The following IL3RA variants were observed in gnomAD, a reference collection of about 807,000 sequenced individuals.
IL3RA encodes the protein interleukin-3 receptor subunit alpha.
Under a neutral mutation model 52.3 loss-of-function variants are expected in IL3RA, and 73 were observed. The ratio of observed to expected loss-of-function variants is 1.40; its 90% CI spans 1.16 to 1.70. The LOEUF is 1.70. Among genes scored for constraint, IL3RA ranks in the 40% most tolerant of loss-of-function variants. The pLI is 0.00. For missense variants in IL3RA, 664 were observed against 504.4 expected, an observed-to-expected ratio of 1.32 and a Z score of -3.03; for synonymous variants, 260 against 194.0, an observed-to-expected ratio of 1.34 and a Z score of -2.83.
At chrX:1,348,300 C>T (rs185172663) in intron 3 of IL3RA, 131 bp from the exon 4 acceptor site, 7 of 727,352 alleles carry the variant, frequency 9.6e-6, no homozygotes, top group African/African-American at 5.2e-5. Context: ...CTGCAGTGAG[C>T]CGAGATCACG....
At chrX:1,351,831 T>G (rs1378216766) in intron 4 of IL3RA, among the ~76,000 whole-genome samples, 2 of 151,436 alleles carry the variant, frequency 1.3e-5, no homozygotes, top group Non-Finnish European at 2.9e-5. Context: ...GGTTTCACCA[T>G]GTTAGCCAGG....
At chrX:1,348,343 A>C in intron 3 of IL3RA, 88 bp from the exon 4 acceptor site, 3 of 1,052,904 alleles carry the variant, frequency 2.8e-6, no homozygotes, top group Non-Finnish European at 4.5e-6. Flanking sequence ...ACGAGAGCGA[A>C]ACTCTGCCTC....
At chrX:1,367,949 TACTC>T (rs1242278475) in intron 9 of IL3RA, among the ~76,000 whole-genome samples, 14 of 151,992 alleles carry the variant, frequency 9.2e-5, no homozygotes, top group South Asian at 2.1e-4. Flanking sequence ...AGCTTGCTCT[TACTC>T]ACGAGAGGAG....
chrX:1,341,309 AAAAAAG>A (rs1569518981), intron 1 of IL3RA, among the ~76,000 whole-genome samples: 3 of 152,068 alleles, frequency 2.0e-5, no homozygotes, highest in African/African-American at 7.2e-5. Flanking sequence ...AGGAAAAAAA[AAAAAAG>A]AAAACACACA....
At chrX:1,343,932 A>G (rs1399077505) in intron 2 of IL3RA, among the ~76,000 whole-genome samples, 1 of 151,262 alleles carries the variant, frequency 6.6e-6, no homozygotes, top group Non-Finnish European at 1.5e-5. Flanking sequence ...ATTAGCTGGG[A>G]TTACAGGCGC....
chrX:1,348,517 C>G lies in IL3RA; in HGVS notation c.270C>G (p.Phe90Leu), dbSNP rs772158067. The change falls in exon 4 of 12, where the codon TTC (phenylalanine) becomes TTG (leucine). Residue 90 changes from phenylalanine to leucine, a missense_variant. Physicochemically the swap from Phe to Leu is conservative, Grantham distance 22 (BLOSUM62 0). Transcript: ENST00000331035. ...CCGTCCGAGTGGCCAACCCACCATT[C>G]TCCACGTGGATCCTCTTCCCTGAGA... is the stretch of plus-strand genomic sequence containing the variant. Reference protein sequence around the residue: ...NYTVRVANPPFSTWILFPENS... With the variant: ...NYTVRVANPPLSTWILFPENS... 1.9e-6 allele frequency: 3 copies of G among 1,613,624 alleles called. No homozygotes were observed. The highest frequency in any genetic ancestry group is 2.2e-5 in the South Asian group (2 of 91,080).
rs1223825312 is a variant in IL3RA at position 1,348,674 on chromosome X, CTTTCTTTCTTTCTTTCTT to C, written c.298+143_298+160del. ...TCTTTCTTTCTTTCTTTCTTTCTTT[CTTTCTTTCTTTCTTTCTT>C]TTTCTTTCTTTCTGTTTCTGTTTCT... On this transcript the variant is annotated intron_variant, in intron 4 of 11. Coordinates refer to ENST00000331035, the MANE Select transcript of IL3RA (RefSeq NM_002183.4). The C allele has an allele frequency of 2.3e-5, 11 of 481,900 alleles. No individual in the cohort carries two copies. In the East Asian group the frequency reaches 3.0e-4, roughly 13 times the overall value. The allele number at this position is 481,900 out of a possible 1,614,324, so 29.9% of individuals were successfully genotyped here.
intron 8 of IL3RA, among the ~76,000 whole-genome samples, chrX:1,360,143 C>T (rs2087107525): frequency 6.7e-6 from 1 of 148,612 alleles, no homozygotes; most frequent in African/African-American, 2.5e-5. Flanking sequence ...GTGTCTGTCT[C>T]TGTGTCTCTC....
intron 4 of IL3RA, among the ~76,000 whole-genome samples, chrX:1,349,423 G>T (rs1443270309): frequency 2.8e-4 from 43 of 151,792 alleles, no homozygotes; most frequent in Admixed American, 2.6e-3. Flanking sequence ...TTCGTGATCT[G>T]CCCGCCTCGG....
chrX:1,379,828 C>T (rs1319945452), intron 10 of IL3RA, among the ~76,000 whole-genome samples: 19 of 152,168 alleles, frequency 1.2e-4, no homozygotes, highest in African/African-American at 9.7e-5. Context: ...GGCGCCATCT[C>T]GGTTCACTGC....
intron 4 of IL3RA, 124 bp downstream of exon 4, chrX:1,348,669 T>TC: frequency 2.2e-6 from 1 of 457,272 alleles, no homozygotes. Context: ...TTTCTTTCTT[T>TC]CTTTCTTTCT....
At chrX:1,347,135 T>C (rs1171950730) in intron 3 of IL3RA, among the ~76,000 whole-genome samples, 15 of 151,468 alleles carry the variant, frequency 9.9e-5, no homozygotes, top group Non-Finnish European at 1.6e-4. Context: ...TCATACCCAA[T>C]GTGCGGATTG....
intron 2 of IL3RA, among the ~76,000 whole-genome samples, chrX:1,345,087 T>A (rs1369494928): frequency 6.6e-6 from 1 of 150,764 alleles, no homozygotes; most frequent in African/African-American, 2.5e-5. Context: ...GAGAGTTGCT[T>A]GAACCAGGAG....
At chrX:1,337,865 A>G (rs1275643957) in intron 1 of IL3RA, among the ~76,000 whole-genome samples, 1 of 151,746 alleles carries the variant, frequency 6.6e-6, no homozygotes, top group Non-Finnish European at 1.5e-5. Context: ...AGGTGGAGAC[A>G]GCCCTCATAC....
chrX:1,348,590 C>G (rs2148931481), intron 4 of IL3RA, 45 bp downstream of exon 4: 2 of 1,360,504 alleles, frequency 1.5e-6, no homozygotes, highest in Non-Finnish European at 2.1e-6. Context: ...TTCCCTCCCT[C>G]CTTCCCTCTC....
intron 4 of IL3RA, among the ~76,000 whole-genome samples, chrX:1,351,857 G>C (rs1287896811): frequency 2.0e-5 from 3 of 150,194 alleles, no homozygotes; most frequent in African/African-American, 7.4e-5. Context: ...CTCGAACTCC[G>C]GACCTCGGGT....
chrX:1,356,484 A>G (rs1207623066), intron 7 of IL3RA, 148 bp downstream of exon 7: 32 of 628,728 alleles, frequency 5.1e-5, no homozygotes, highest in Middle Eastern at 4.4e-4. Context: ...AAACAAAAAC[A>G]AAAGGCCGGG....
At chrX:1,360,686 C>CA (rs1176839556) in intron 8 of IL3RA, among the ~76,000 whole-genome samples, 12 of 145,056 alleles carry the variant, frequency 8.3e-5, no homozygotes, top group Middle Eastern at 3.6e-3. Context: ...GCCCAACTAA[C>CA]TTTTTTTTTT....
intron 6 of IL3RA, 82 bp from the exon 7 acceptor site, chrX:1,356,139 A>G (rs1292805428): frequency 5.7e-6 from 5 of 878,742 alleles, no homozygotes; most frequent in Middle Eastern, 2.4e-4. Flanking sequence ...AATTTGAAGT[A>G]TCTCCAGAAA....
Sources: gnomAD v4.1 joint callset for allele counts (sites outside exome capture counted in the v4.1 genomes callset) on GRCh38, gnomAD v4.1.1 for gene constraint, MANE v1.5 for transcripts, NCBI Gene and HGNC (gene_info 2026-07-23, HGNC 2026-07-21) for gene names.